Variants in CACNA2D1 observed in about 807,000 individuals in gnomAD.
CACNA2D1 encodes the protein calcium voltage-gated channel auxiliary subunit alpha2delta 1, also known as voltage-dependent calcium channel subunit alpha-2/delta-1.
CACNA2D1 carries 53 observed loss-of-function variants against 171.5 expected under a neutral mutation model. That is an observed-to-expected ratio of 0.31 (90% CI 0.25 to 0.39). The LOEUF (loss-of-function observed/expected upper bound fraction) is 0.39, where lower values mean the gene tolerates loss of function less well. Among genes scored for constraint, CACNA2D1 ranks in the 10% least tolerant of loss-of-function variants. The pLI is 1.00. For missense variants in CACNA2D1, 903 were observed against 1,299.8 expected (o/e 0.69, Z 4.69); for synonymous variants, 442 against 443.1 (o/e 1.00, Z 0.03).
rs372722780 is a variant in CACNA2D1 at position 82,241,785 on chromosome 7, G to A, written c.295-71176C>T. 2.6e-4 allele frequency among the ~76,000 whole-genome samples: 40 copies of A among 152,210 alleles called. 1 individual carries two copies. In the South Asian group the frequency reaches 2.7e-3, roughly 10 times the overall value. On this transcript the variant is annotated intron_variant, in intron 3 of 38. Transcript: ENST00000356860. ...TAATTTCTATGTTTAGTGCAAATAC[G>A]ACTGTATCAACAGTATTAATTTAAT... is the stretch of plus-strand genomic sequence containing the variant.
At chr7:81,982,749 A>G (rs558468291) in intron 23 of CACNA2D1, 122 bp from the exon 24 acceptor site, 7 of 754,090 alleles carry the variant, frequency 9.3e-6, no homozygotes, top group South Asian at 8.3e-5. Flanking sequence ...GAGTACTTAC[A>G]TCCTAAAATT....
At chr7:82,321,294 G>T (rs1266773637) in intron 3 of CACNA2D1, among the ~76,000 whole-genome samples, 1 of 152,116 alleles carries the variant, frequency 6.6e-6, no homozygotes, top group African/African-American at 2.4e-5. Flanking sequence ...AGGTACTCGG[G>T]AGGCTAAGGC....
intron 3 of CACNA2D1, among the ~76,000 whole-genome samples, chr7:82,238,143 A>G (rs571841932): frequency 6.6e-6 from 1 of 152,182 alleles, no homozygotes; most frequent in South Asian, 2.1e-4. Flanking sequence ...CAATAAATTC[A>G]TATAAGAGGG....
chr7:81,979,974 C>T (rs971163814), intron 24 of CACNA2D1, among the ~76,000 whole-genome samples: 2 of 151,454 alleles, frequency 1.3e-5, no homozygotes, highest in East Asian at 1.9e-4. Context: ...GTGGCCAGTG[C>T]TCCCCAAGAG....
At chr7:82,435,771 C>G (rs2129459353) in intron 1 of CACNA2D1, among the ~76,000 whole-genome samples, 1 of 151,994 alleles carries the variant, frequency 6.6e-6, no homozygotes, top group Admixed American at 6.6e-5. Flanking sequence ...AAAATCTCAA[C>G]AGCAACACAG....
chr7:82,324,599 ATTATTTTAG>A (rs1300525734), intron 3 of CACNA2D1, among the ~76,000 whole-genome samples: 5 of 152,050 alleles, frequency 3.3e-5, no homozygotes, highest in Non-Finnish European at 7.4e-5. Context: ...TACCATTATA[ATTATTTTAG>A]ACTTAAAAAT....
At chr7:82,045,506 T>G (rs1804454037) in intron 10 of CACNA2D1, among the ~76,000 whole-genome samples, 1 of 152,162 alleles carries the variant, frequency 6.6e-6, no homozygotes, top group African/African-American at 2.4e-5. Context: ...ATGGTGGAAT[T>G]TAGTTTCCCC....
intron 20 of CACNA2D1, among the ~76,000 whole-genome samples, chr7:81,992,136 C>T (rs2130750854): frequency 6.6e-6 from 1 of 151,960 alleles, no homozygotes; most frequent in African/African-American, 2.4e-5. Context: ...AGCCACCGCT[C>T]TCAGCCGCTG....
At chr7:82,065,931 A>G (rs1360488132) in intron 8 of CACNA2D1, among the ~76,000 whole-genome samples, 2 of 152,222 alleles carry the variant, frequency 1.3e-5, no homozygotes, top group Admixed American at 1.3e-4. Flanking sequence ...CAGTAAGTCC[A>G]ATTACAAATT....
At chr7:82,432,960 T>C (rs1383714891) in intron 1 of CACNA2D1, among the ~76,000 whole-genome samples, 3 of 151,882 alleles carry the variant, frequency 2.0e-5, no homozygotes, top group Non-Finnish European at 4.4e-5. Flanking sequence ...CCAAGGCAGG[T>C]GGATTGCTTG....
chr7:81,967,085 G>A (rs1794779298), intron 31 of CACNA2D1, 84 bp downstream of exon 31: 3 of 932,482 alleles, frequency 3.2e-6, no homozygotes, highest in Non-Finnish European at 5.0e-6. Flanking sequence ...AAAAATTCCT[G>A]CATATTTTTT....
chr7:81,956,558 A>T (rs975880627), intron 38 of CACNA2D1, among the ~76,000 whole-genome samples: 4 of 152,246 alleles, frequency 2.6e-5, no homozygotes, highest in Non-Finnish European at 4.4e-5. Flanking sequence ...GTATATGAAG[A>T]TATTAAAGCA....
chr7:82,227,431 A>C (rs1802476288), intron 3 of CACNA2D1, among the ~76,000 whole-genome samples: 1 of 152,222 alleles, frequency 6.6e-6, no homozygotes, highest in Non-Finnish European at 1.5e-5. Context: ...GGCCCTGAGA[A>C]GATAAAACAG....
At chr7:82,304,892 C>T (rs1057172461) in intron 3 of CACNA2D1, among the ~76,000 whole-genome samples, 2 of 152,030 alleles carry the variant, frequency 1.3e-5, no homozygotes, top group Non-Finnish European at 2.9e-5. Flanking sequence ...AACACAGAAA[C>T]GGAAAATATC....
At chr7:82,440,666 C>A (rs1178740542) in intron 1 of CACNA2D1, among the ~76,000 whole-genome samples, 1 of 151,702 alleles carries the variant, frequency 6.6e-6, no homozygotes, top group East Asian at 1.9e-4. Flanking sequence ...ACTCTTAGAA[C>A]AGGTTAACTA....
chr7:82,331,608 T>C (rs1817305175), intron 3 of CACNA2D1, among the ~76,000 whole-genome samples: 1 of 152,336 alleles, frequency 6.6e-6, no homozygotes, highest in Non-Finnish European at 1.5e-5. Context: ...GTGTCTTCAG[T>C]ATTCTGTCAT....
intron 10 of CACNA2D1, among the ~76,000 whole-genome samples, chr7:82,040,452 CAAAAAA>C (rs34257660): frequency 9.4e-6 from 1 of 106,522 alleles, no homozygotes; most frequent in Non-Finnish European, 1.9e-5. Flanking sequence ...ATAATTTATT[CAAAAAA>C]AAAAAAAAAA....
intron 3 of CACNA2D1, among the ~76,000 whole-genome samples, chr7:82,227,514 T>C (rs1486775861): frequency 1.3e-5 from 2 of 152,188 alleles, no homozygotes; most frequent in Non-Finnish European, 2.9e-5. Flanking sequence ...TATGGACTTA[T>C]CAGTAATAGT....
Position 82,409,186 on chromosome 7 carries a change from T to C in CACNA2D1, c.95+34179A>G, listed in dbSNP as rs1827385374. On this transcript the variant is annotated intron_variant, in intron 1 of 38. Transcript: ENST00000356860. ...AATCCATAGTCTTTCCAGTGCCTTC[T>C]ATATAGTAGGTATTCAACCAACATT... Among the ~76,000 whole-genome samples, 4 of 152,204 alleles carry C rather than the reference T, an allele frequency of 2.6e-5. No individual in the cohort carries two copies. The South Asian group carries it at 8.3e-4, about 31-fold the overall frequency.
Sources: gnomAD v4.1 joint callset for allele counts (sites outside exome capture counted in the v4.1 genomes callset) on GRCh38, gnomAD v4.1.1 for gene constraint, MANE v1.5 for transcripts, NCBI Gene and HGNC (gene_info 2026-07-23, HGNC 2026-07-21) for gene names.